DAAM1: variants seen among roughly 807,000 people sequenced by gnomAD.
DAAM1 encodes dishevelled associated activator of morphogenesis 1, also known as disheveled-associated activator of morphogenesis 1.
Under a neutral mutation model 130.0 loss-of-function variants are expected in DAAM1, and 52 were observed. The ratio of observed to expected loss-of-function variants is 0.40; its 90% confidence interval spans 0.32 to 0.50. DAAM1 has a LOEUF of 0.50. Among genes scored for constraint, DAAM1 ranks in the 20% least tolerant of loss-of-function variants. The pLI, the probability that DAAM1 is intolerant of heterozygous loss-of-function variation, is 0.61. For synonymous variants in DAAM1, 452 were observed against 444.5 expected (o/e 1.02, Z -0.21); for missense variants, 1,134 against 1,303.8 (o/e 0.87, Z 2.01).
chr14:59,190,592 C>G (rs928451928), intron 1 of DAAM1, among the ~76,000 whole-genome samples: 1 of 152,144 alleles, frequency 6.6e-6, no homozygotes, highest in Non-Finnish European at 1.5e-5. Flanking sequence ...GGGCGCAGGT[C>G]CTTGAGGGTG....
intron 16 of DAAM1, among the ~76,000 whole-genome samples, chr14:59,342,668 T>C (rs1885895777): frequency 6.6e-6 from 1 of 152,120 alleles, no homozygotes; most frequent in Non-Finnish European, 1.5e-5. Flanking sequence ...GTTGCTGCCT[T>C]TGAAAGCACA....
At chr14:59,342,282 T>A (rs140490433) in intron 16 of DAAM1, among the ~76,000 whole-genome samples, 127 of 152,336 alleles carry the variant, frequency 8.3e-4, no homozygotes, top group Middle Eastern at 3.4e-3. Flanking sequence ...GCCATTGGGC[T>A]GCATTGATAA....
At chr14:59,229,033 A>C (rs1445020056) in intron 1 of DAAM1, among the ~76,000 whole-genome samples, 2 of 152,204 alleles carry the variant, frequency 1.3e-5, no homozygotes, top group Non-Finnish European at 2.9e-5. Flanking sequence ...TTGGTTATGA[A>C]TATTGTAGTT....
intron 2 of DAAM1, 51 bp from the exon 3 acceptor site, chr14:59,291,166 A>T: frequency 6.9e-7 from 1 of 1,447,218 alleles, no homozygotes; most frequent in Non-Finnish European, 9.4e-7. Context: ...AACGTTCTCT[A>T]CAGGAATAAT....
intron 2 of DAAM1, among the ~76,000 whole-genome samples, chr14:59,273,668 C>G (rs1454536349): frequency 2.0e-5 from 3 of 152,166 alleles, no homozygotes; most frequent in African/African-American, 7.2e-5. Flanking sequence ...TTCCCATTCT[C>G]TATGTGTCCT....
At position 59,207,097 on chromosome 14, in the gene DAAM1, T is replaced by A. The variant is rs574533663; in HGVS notation, c.-38+18329T>A. Among the ~76,000 whole-genome samples, 10 of 152,306 alleles carry A rather than the reference T, an allele frequency of 6.6e-5. No individual in the cohort carries two copies. The South Asian group carries it at 2.1e-3, about 32-fold the overall frequency. ...GAACCAGTAAGATGTTAAGGGTCGT[T>A]CACAGGAGAATTTGAAGAACAGGTA... On this transcript the variant is annotated intron_variant, in intron 1 of 24. Transcript: ENST00000360909.
intron 3 of DAAM1, among the ~76,000 whole-genome samples, chr14:59,310,879 C>T (rs1036582592): frequency 3.3e-5 from 5 of 151,946 alleles, no homozygotes; most frequent in African/African-American, 9.7e-5. Context: ...TGTGGTCTAG[C>T]GAACAACCGC....
intron 1 of DAAM1, among the ~76,000 whole-genome samples, chr14:59,258,350 C>G (rs1246767975): frequency 1.3e-5 from 2 of 152,122 alleles, no homozygotes; most frequent in Non-Finnish European, 2.9e-5. Context: ...GCTGGAAAAT[C>G]AAGTTGTTAA....
chr14:59,262,668 G>A (rs896528809), intron 1 of DAAM1, among the ~76,000 whole-genome samples: 5 of 117,024 alleles, frequency 4.3e-5, no homozygotes, highest in African/African-American at 2.3e-4. Flanking sequence ...GTGTGTGTGT[G>A]TGTGTGTGTG....
intron 16 of DAAM1, among the ~76,000 whole-genome samples, chr14:59,345,458 G>A (rs1366045047): frequency 6.6e-6 from 1 of 152,174 alleles, no homozygotes; most frequent in African/African-American, 2.4e-5. Context: ...TGAAATAGAA[G>A]AGAATGGTAT....
intron 3 of DAAM1, among the ~76,000 whole-genome samples, chr14:59,314,396 C>T (rs1036432320): frequency 2.6e-5 from 4 of 152,258 alleles, no homozygotes; most frequent in East Asian, 1.9e-4. Context: ...TGTGCAAATA[C>T]GCATAGAAAT....
chr14:59,341,679 TC>T (rs1163206447), intron 16 of DAAM1, among the ~76,000 whole-genome samples: 1 of 152,216 alleles, frequency 6.6e-6, no homozygotes, highest in Non-Finnish European at 1.5e-5. Context: ...TGGAACATAT[TC>T]CCCTCCAATA....
chr14:59,246,539 C>T (rs571325087), intron 1 of DAAM1, among the ~76,000 whole-genome samples: 37 of 152,192 alleles, frequency 2.4e-4, no homozygotes, highest in African/African-American at 8.4e-4. Flanking sequence ...GTTCAAAACC[C>T]TGCTTTTAAT....
At chr14:59,275,198 C>G (rs1009397864) in intron 2 of DAAM1, among the ~76,000 whole-genome samples, 3 of 152,086 alleles carry the variant, frequency 2.0e-5, no homozygotes, top group Non-Finnish European at 4.4e-5. Flanking sequence ...GGTGCTGTAT[C>G]CCCGGAGATG....
chr14:59,315,438 T>A, intron 4 of DAAM1, 87 bp downstream of exon 4: 1 of 1,247,084 alleles, frequency 8.0e-7, no homozygotes, highest in Non-Finnish European at 1.1e-6. Context: ...TTCGATTGAG[T>A]ATGACCTACC....
intron 1 of DAAM1, among the ~76,000 whole-genome samples, chr14:59,261,382 G>A (rs561294748): frequency 2.0e-5 from 3 of 152,272 alleles, no homozygotes; most frequent in Non-Finnish European, 2.9e-5. Context: ...GGTGACTACT[G>A]TCATTCCTGG....
chr14:59,324,738 A>G lies in DAAM1; in HGVS notation c.989+284A>G, dbSNP rs1479009136. Among the ~76,000 whole-genome samples the G allele has an allele frequency of 5.3e-5, 8 of 152,072 alleles. No homozygotes were observed. The East Asian group carries it at 9.6e-4, about 18-fold the overall frequency. On this transcript the variant is annotated intron_variant, in intron 8 of 24. Transcript: ENST00000360909. Reference sequence around the variant, plus strand: ...CTGTGTATCCTGGTGAAGTTACTCAATTTTTCTGAATTTTGCTGTTTTTAT... The same window carrying G: ...CTGTGTATCCTGGTGAAGTTACTCAGTTTTTCTGAATTTTGCTGTTTTTAT...
chr14:59,248,398 A>G (rs1881492072), intron 1 of DAAM1, among the ~76,000 whole-genome samples: 1 of 152,154 alleles, frequency 6.6e-6, no homozygotes, highest in Admixed American at 6.5e-5. Flanking sequence ...CACTTACAGT[A>G]ATTAAAATTC....
chr14:59,224,151 G>C (rs994504626), intron 1 of DAAM1, among the ~76,000 whole-genome samples: 1 of 152,200 alleles, frequency 6.6e-6, no homozygotes, highest in African/African-American at 2.4e-5. Flanking sequence ...GGAGAAAAGG[G>C]CATTTGCTAG....
Sources: allele counts gnomAD v4.1 joint callset (sites outside exome capture counted in the v4.1 genomes callset), GRCh38; gene constraint gnomAD v4.1.1; transcripts MANE v1.5; gene names NCBI Gene and HGNC (gene_info 2026-07-23, HGNC 2026-07-21).